ZNF385B: variants seen among roughly 807,000 people sequenced by gnomAD.
The protein encoded by ZNF385B is zinc finger protein 533.
ZNF385B carries 23 observed loss-of-function variants against 39.2 expected under a neutral mutation model. The ratio of observed to expected loss-of-function variants is 0.59; its 90% CI spans 0.42 to 0.83. The LOEUF (loss-of-function observed/expected upper bound fraction) is 0.83. ZNF385B is among the 40% of genes least tolerant of loss of function. The probability of loss-of-function intolerance (pLI) is 0.00; values close to 1 mark genes in which losing one functional copy is unlikely to be tolerated. For missense variants in ZNF385B, 552 were observed against 598.9 expected (o/e 0.92, Z 0.82); for synonymous variants, 205 against 222.6 (o/e 0.92, Z 0.70).
intron 3 of ZNF385B, chr2:179,562,266 G>T: frequency 1.6e-6 from 1 of 620,784 alleles, no homozygotes; most frequent in Non-Finnish European, 2.0e-6. Context: ...TGCAAAATTA[G>T]CAAATTCTAT....
At position 179,676,674 on chromosome 2, in the gene ZNF385B, G is replaced by A. The variant is rs1038227929; in HGVS notation, c.298+92829C>T. ...CTGAGAGATGACAGTAGCCTGGACT[G>A]TGGCAGTAGTGAAGGAGTTGGAAAG... On this transcript the variant is annotated intron_variant, in intron 3 of 9. Transcript: ENST00000410066. 3.3e-5 allele frequency among the ~76,000 whole-genome samples: 5 copies of A among 152,336 alleles called. No homozygotes were observed. The South Asian group carries it at 6.2e-4, about 19-fold the overall frequency.
intron 1 of ZNF385B, among the ~76,000 whole-genome samples, chr2:179,820,726 A>G (rs1707350360): frequency 6.6e-6 from 1 of 152,112 alleles, no homozygotes; most frequent in African/African-American, 2.4e-5. Flanking sequence ...AAAGGCTATA[A>G]TTGTATTTTT....
chr2:179,845,010 C>T (rs1001692231), intron 1 of ZNF385B, among the ~76,000 whole-genome samples: 1 of 151,850 alleles, frequency 6.6e-6, no homozygotes, highest in Non-Finnish European at 1.5e-5. Flanking sequence ...TCTTTTTTTC[C>T]ATATGTCAGG....
intron 3 of ZNF385B, among the ~76,000 whole-genome samples, chr2:179,571,289 A>G (rs1240428655): frequency 6.6e-6 from 1 of 152,212 alleles, no homozygotes; most frequent in Non-Finnish European, 1.5e-5. Flanking sequence ...TACAACAGTT[A>G]TGGACAATAA....
At chr2:179,678,722 T>C (rs543241402) in intron 3 of ZNF385B, among the ~76,000 whole-genome samples, 1 of 152,342 alleles carries the variant, frequency 6.6e-6, no homozygotes, top group African/African-American at 2.4e-5. Flanking sequence ...CAATGCCTTC[T>C]CAAGTCCACT....
intron 6 of ZNF385B, among the ~76,000 whole-genome samples, chr2:179,478,833 A>G (rs1279350935): frequency 6.6e-6 from 1 of 152,100 alleles, no homozygotes; most frequent in Admixed American, 6.5e-5. Context: ...ACCTGGTGTG[A>G]GTTGTTAAAT....
chr2:179,522,505 C>A (rs537031481), intron 4 of ZNF385B, among the ~76,000 whole-genome samples: 1 of 130,082 alleles, frequency 7.7e-6, no homozygotes, highest in Admixed American at 8.4e-5. Flanking sequence ...ATGCAAGTAA[C>A]TCATTTTAGT....
At chr2:179,835,056 C>A (rs113066022) in intron 1 of ZNF385B, among the ~76,000 whole-genome samples, 3 of 152,192 alleles carry the variant, frequency 2.0e-5, no homozygotes, top group African/African-American at 7.2e-5. Flanking sequence ...GAAAAATGAG[C>A]TATAAAGGAC....
Position 179,860,809 on chromosome 2 carries a change from C to A in ZNF385B, c.-155+292G>T, listed in dbSNP as rs143408979. ...CTCCATCCGTCCTTGGGAATTGGAG[C>A]CTACCCTGGGGAACAGAGGAGTATG... On this transcript the variant is annotated intron_variant, in intron 1 of 9. Coordinates refer to ENST00000410066, the MANE Select transcript of ZNF385B (RefSeq NM_152520.6). 1,087 of 465,616 alleles carry A rather than the reference C, an allele frequency of 2.3e-3. 15 individuals carry two copies. Among genetic ancestry groups the A allele is most frequent in the African/African-American group, 0.021 (1,021 of 49,690 alleles). 28.8% of individuals were successfully genotyped at this position (465,616 alleles called of 1,614,324 possible). A position where few individuals can be genotyped will look rare whatever the true frequency, so the allele number is the denominator to read the frequency against.
At chr2:179,772,049 G>A (rs969140917) in intron 1 of ZNF385B, among the ~76,000 whole-genome samples, 14 of 152,028 alleles carry the variant, frequency 9.2e-5, no homozygotes, top group African/African-American at 2.9e-4. Flanking sequence ...TTAACACACG[G>A]TATTTCATAG....
In ZNF385B at chr2:179,769,508, C is replaced by A. The variant is rs148987445; in HGVS notation, c.293G>T (p.Ser98Ile). 4.8e-3 allele frequency: 7,696 copies of A among 1,613,766 alleles called. 40 individuals are homozygous for A. Among genetic ancestry groups the A allele is most frequent in the South Asian group, 0.01 (948 of 91,066 alleles). The change falls in exon 3 of 10, where the codon AGC (serine) becomes ATC (isoleucine). Residue 98 changes from serine (S) to isoleucine (I), a missense_variant. Ser to Ile is a moderately radical substitution (Grantham distance 142). Coordinates refer to ENST00000410066, the MANE Select transcript of ZNF385B (RefSeq NM_152520.6). Reference sequence around the variant, plus strand: ...CCCGGGACCCTGCCTCCTACCTGTGCTGCTGTTGCTGCTGGGGCTGGCCTG... The same window carrying A: ...CCCGGGACCCTGCCTCCTACCTGTGATGCTGTTGCTGCTGGGGCTGGCCTG... ...PAQASPSSNSSTGSTCHTTTL... is the reference protein window; with the variant it reads ...PAQASPSSNSITGSTCHTTTL...
chr2:179,766,780 T>TG (rs1703721598), intron 3 of ZNF385B, among the ~76,000 whole-genome samples: 1 of 152,178 alleles, frequency 6.6e-6, no homozygotes, highest in South Asian at 2.1e-4. Flanking sequence ...ATATATTTTT[T>TG]TGTGTGTGTG....
intron 3 of ZNF385B, among the ~76,000 whole-genome samples, chr2:179,756,521 G>T (rs1350325102): frequency 6.6e-6 from 1 of 152,090 alleles, no homozygotes; most frequent in Non-Finnish European, 1.5e-5. Flanking sequence ...TTTGAATGTT[G>T]GCCTGCCTTG....
At chr2:179,679,747 A>G (rs1697346461) in intron 3 of ZNF385B, among the ~76,000 whole-genome samples, 1 of 151,912 alleles carries the variant, frequency 6.6e-6, no homozygotes, top group Non-Finnish European at 1.5e-5. Context: ...AAAGATTCCC[A>G]CCCAGTTATG....
At chr2:179,537,912 TGTTGA>T (rs1366426231) in intron 4 of ZNF385B, among the ~76,000 whole-genome samples, 5 of 152,184 alleles carry the variant, frequency 3.3e-5, no homozygotes, top group African/African-American at 4.8e-5. Flanking sequence ...GGAATGTTGC[TGTTGA>T]GTTATCTAAG....
At chr2:179,506,839 A>G (rs2057291610) in intron 5 of ZNF385B, among the ~76,000 whole-genome samples, 1 of 152,182 alleles carries the variant, frequency 6.6e-6, no homozygotes, top group African/African-American at 2.4e-5. Context: ...TGGGAGTGTC[A>G]GATATGTTAG....
At chr2:179,548,061 G>T (rs1471050550) in intron 3 of ZNF385B, among the ~76,000 whole-genome samples, 1 of 149,376 alleles carries the variant, frequency 6.7e-6, no homozygotes, top group Non-Finnish European at 1.5e-5. Flanking sequence ...ACTGATTTTT[G>T]TATGTTGATT....
chr2:179,834,544 G>A (rs1197709242), intron 1 of ZNF385B, among the ~76,000 whole-genome samples: 2 of 152,138 alleles, frequency 1.3e-5, no homozygotes, highest in Non-Finnish European at 2.9e-5. Context: ...AAGACGGGGG[G>A]AAAGTTTTTC....
intron 1 of ZNF385B, among the ~76,000 whole-genome samples, chr2:179,808,190 G>A (rs904293534): frequency 3.3e-5 from 5 of 151,828 alleles, no homozygotes; most frequent in Non-Finnish European, 7.4e-5. Flanking sequence ...ACGCCGCCAC[G>A]CCTGGCTAAT....
Sources: gnomAD v4.1 joint callset for allele counts (sites outside exome capture counted in the v4.1 genomes callset) on GRCh38, gnomAD v4.1.1 for gene constraint, MANE v1.5 for transcripts, NCBI Gene and HGNC (gene_info 2026-07-23, HGNC 2026-07-21) for gene names.